The following SGCZ variants were observed in gnomAD, a reference collection of about 807,000 sequenced individuals.
SGCZ encodes zeta-sarcoglycan.
Under a neutral mutation model 41.3 loss-of-function variants are expected in SGCZ, and 40 were observed. The observed-to-expected ratio is 0.97, with a 90% confidence interval of 0.75 to 1.26. The LOEUF (loss-of-function observed/expected upper bound fraction) is 1.26. SGCZ is among the 50% of genes most tolerant of loss of function. The pLI is 0.00. For synonymous variants in SGCZ, 206 were observed against 137.5 expected, an observed-to-expected ratio of 1.50 and a Z score of -3.49; for missense variants, 552 against 369.8, an observed-to-expected ratio of 1.49 and a Z score of -4.04.
chr8:15,071,309 A>G lies in SGCZ; in HGVS notation c.39+166276T>C, dbSNP rs541664543. 4.6e-5 allele frequency among the ~76,000 whole-genome samples: 7 copies of G among 152,332 alleles called. No individual in the cohort carries two copies. In the East Asian group the frequency reaches 1.2e-3, roughly 25 times the overall value. ...GTTGTTTAATCTGAACAATTAGCAT[A>G]TATTTCCATAAATCTTTCAAATAAT... On this transcript the variant is annotated intron_variant, in intron 1 of 7. Coordinates refer to ENST00000382080, the MANE Select transcript of SGCZ (RefSeq NM_139167.4).
intron 2 of SGCZ, among the ~76,000 whole-genome samples, chr8:14,454,389 G>A (rs561455262): frequency 1.3e-5 from 2 of 152,190 alleles, no homozygotes; most frequent in Admixed American, 6.5e-5. Context: ...ACTGTATTTA[G>A]TTCAGGAAAA....
intron 5 of SGCZ, among the ~76,000 whole-genome samples, chr8:14,124,898 AATG>A (rs1802804704): frequency 6.6e-6 from 1 of 152,152 alleles, no homozygotes; most frequent in Admixed American, 6.5e-5. Flanking sequence ...ATAAAGTAGA[AATG>A]AAGCTGACCA....
At chr8:14,821,249 G>T (rs1210712248) in intron 1 of SGCZ, among the ~76,000 whole-genome samples, 2 of 151,880 alleles carry the variant, frequency 1.3e-5, no homozygotes, top group Admixed American at 1.3e-4. Flanking sequence ...GACATACACT[G>T]TCTACTAAAA....
intron 2 of SGCZ, among the ~76,000 whole-genome samples, chr8:14,554,169 C>A (rs982458582): frequency 6.6e-5 from 10 of 151,956 alleles, no homozygotes; most frequent in Non-Finnish European, 1.2e-4. Flanking sequence ...GGTTTATCTT[C>A]CATTTACGAG....
chr8:14,122,451 A>C (rs112941727), intron 5 of SGCZ, among the ~76,000 whole-genome samples: 8 of 152,330 alleles, frequency 5.3e-5, no homozygotes, highest in African/African-American at 1.7e-4. Flanking sequence ...TTATGTGCAC[A>C]GAGATGTAGC....
chr8:15,031,178 C>T (rs1032459730), intron 1 of SGCZ, among the ~76,000 whole-genome samples: 1 of 151,968 alleles, frequency 6.6e-6, no homozygotes, highest in Non-Finnish European at 1.5e-5. Flanking sequence ...CACTTTTATT[C>T]TTAGTGCATA....
intron 1 of SGCZ, among the ~76,000 whole-genome samples, chr8:14,714,387 G>C (rs1809620774): frequency 2.0e-5 from 3 of 152,136 alleles, no homozygotes; most frequent in Non-Finnish European, 4.4e-5. Flanking sequence ...TCAAGCTCAT[G>C]ATTACTTCAA....
intron 1 of SGCZ, among the ~76,000 whole-genome samples, chr8:14,747,093 G>C (rs374531083): frequency 3.9e-5 from 6 of 152,128 alleles, no homozygotes; most frequent in African/African-American, 1.4e-4. Context: ...ATTGGGGTAA[G>C]ATTGTATATT....
chr8:14,991,843 C>A (rs1480503803), intron 1 of SGCZ, among the ~76,000 whole-genome samples: 1 of 151,212 alleles, frequency 6.6e-6, no homozygotes, highest in Non-Finnish European at 1.5e-5. Context: ...AATCGACACA[C>A]AAATCTACCC....
At chr8:15,089,534 G>A (rs1806073231) in intron 1 of SGCZ, among the ~76,000 whole-genome samples, 2 of 151,918 alleles carry the variant, frequency 1.3e-5, no homozygotes, top group Non-Finnish European at 2.9e-5. Context: ...AAACCTGGAT[G>A]GAAAATTAAC....
At chr8:14,359,822 A>T (rs35588736) in intron 2 of SGCZ, among the ~76,000 whole-genome samples, 4 of 151,778 alleles carry the variant, frequency 2.6e-5, no homozygotes, top group African/African-American at 4.8e-5. Context: ...AAAGAAAAAA[A>T]AAAAAAACAA....
intron 4 of SGCZ, among the ~76,000 whole-genome samples, chr8:14,226,083 G>A (rs1806363051): frequency 1.3e-5 from 2 of 151,934 alleles, no homozygotes; most frequent in African/African-American, 4.8e-5. Flanking sequence ...CATGTGTCAA[G>A]CAGGGTTATA....
chr8:15,110,324 G>A (rs1429062950), intron 1 of SGCZ, among the ~76,000 whole-genome samples: 1 of 152,128 alleles, frequency 6.6e-6, no homozygotes. Flanking sequence ...GATACATTCG[G>A]CTCTAGAGAC....
chr8:14,100,730 A>ATGTATAATTACAATT (rs1801994378), intron 7 of SGCZ, among the ~76,000 whole-genome samples: 1 of 151,644 alleles, frequency 6.6e-6, no homozygotes, highest in Non-Finnish European at 1.5e-5. Flanking sequence ...AAGGAAGTAA[A>ATGTATAATTACAATT]TGTATAATTA....
chr8:15,139,363 A>G (rs956370666), intron 1 of SGCZ, among the ~76,000 whole-genome samples: 37 of 152,314 alleles, frequency 2.4e-4, no homozygotes, highest in African/African-American at 8.2e-4. Flanking sequence ...CATCAAGCAC[A>G]CTTTTTTCCT....
intron 1 of SGCZ, among the ~76,000 whole-genome samples, chr8:14,924,028 C>A (rs747610283): frequency 5.3e-5 from 8 of 152,204 alleles, no homozygotes; most frequent in Admixed American, 1.3e-4. Flanking sequence ...AGAGGGTAAA[C>A]CTTCCCTAAA....
At chr8:14,702,335 T>C (rs2117600634) in intron 1 of SGCZ, among the ~76,000 whole-genome samples, 1 of 152,000 alleles carries the variant, frequency 6.6e-6, no homozygotes, top group South Asian at 2.1e-4. Flanking sequence ...ATTGTTAGAA[T>C]GCTCAAGGGC....
intron 3 of SGCZ, among the ~76,000 whole-genome samples, chr8:14,256,624 T>C (rs551359801): frequency 1.3e-5 from 2 of 152,322 alleles, no homozygotes; most frequent in East Asian, 1.9e-4. Flanking sequence ...TAAAAAACTA[T>C]GATTTTACAT....
chr8:14,414,636 T>G (rs1799447706), intron 2 of SGCZ, among the ~76,000 whole-genome samples: 1 of 152,048 alleles, frequency 6.6e-6, no homozygotes, highest in East Asian at 1.9e-4. Flanking sequence ...CTCCAACCAA[T>G]GCTATAGCCA....
Sources: gnomAD v4.1 joint callset for allele counts (sites outside exome capture counted in the v4.1 genomes callset) on GRCh38, gnomAD v4.1.1 for gene constraint, MANE v1.5 for transcripts, NCBI Gene and HGNC (gene_info 2026-07-23, HGNC 2026-07-21) for gene names.